The following HAL variants were observed in gnomAD, a reference collection of about 807,000 sequenced individuals.
The protein encoded by HAL is histidase.
In HAL, 85 loss-of-function variants were observed where a neutral mutation model predicts 81.1. The observed-to-expected ratio is 1.05, with a 90% confidence interval of 0.88 to 1.25. The LOEUF is 1.25. Among genes scored for constraint, HAL ranks in the 50% most tolerant of loss-of-function variants. The pLI is 0.00. For missense variants in HAL, 798 were observed against 836.6 expected (o/e 0.95, Z 0.57); for synonymous variants, 301 against 309.2 (o/e 0.97, Z 0.28).
At chr12:95,990,613 C>G in intron 9 of HAL, 81 bp from the exon 10 acceptor site, 1 of 1,092,780 alleles carries the variant, frequency 9.2e-7, no homozygotes, top group Non-Finnish European at 1.4e-6. Flanking sequence ...GCCCCCACTG[C>G]CCCCGCAAAC....
intron 10 of HAL, 127 bp from the exon 11 acceptor site, chr12:95,988,367 G>T (rs1949922457): frequency 8.5e-6 from 6 of 704,028 alleles, no homozygotes; most frequent in Non-Finnish European, 1.5e-5. Context: ...GAGACCTACA[G>T]GAACTGGCTG....
chr12:95,985,997 G>T, intron 13 of HAL, 31 bp from the exon 14 acceptor site: 2 of 1,596,426 alleles, frequency 1.3e-6, no homozygotes, highest in Non-Finnish European at 1.7e-6. Context: ...ATGAGACAGG[G>T]ATCATGTTAC....
chr12:95,991,009 C>G (rs1445630559), intron 9 of HAL, among the ~76,000 whole-genome samples: 1 of 152,164 alleles, frequency 6.6e-6, no homozygotes, highest in Non-Finnish European at 1.5e-5. Flanking sequence ...ACTGGGAAGG[C>G]TGAGATGGGA....
In HAL at chr12:95,995,743, G is replaced by C. The variant is rs764656901; in HGVS notation, c.168C>G (p.Arg56=). The C allele has an allele frequency of 6.2e-7, 1 of 1,613,558 alleles. No individual in the cohort carries two copies. The highest frequency in any genetic ancestry group is 1.3e-5 in the African/African-American group (1 of 74,934). The part of the protein sequence containing the change: ...TSVDDAHFLV[R]RCKGLGLLDN... ...CCAGCAGGCCCAGGCCCTTGCACCG[G>C]CGCACAAGGAAGTGCGCGTCATCCA... The change falls in exon 2 of 21, where the codon CGC becomes CGG. Residue 56 remains arginine (R), a synonymous_variant. Transcript: ENST00000261208.
At position 95,986,867 on chromosome 12, in the gene HAL, T is replaced by C. The variant is rs369285229; in HGVS notation, c.1051+200A>G. On this transcript the variant is annotated intron_variant, in intron 12 of 20. Coordinates refer to ENST00000261208, the MANE Select transcript of HAL (RefSeq NM_002108.4). ...TCACTCAACTTCCGGGCTGTGTGTATCTGTAAATTGCAGTTCTTTCAAAGA... is the reference window on the plus strand; with the variant it reads ...TCACTCAACTTCCGGGCTGTGTGTACCTGTAAATTGCAGTTCTTTCAAAGA... Among the ~76,000 whole-genome samples the C allele has an allele frequency of 9.2e-5, 14 of 152,156 alleles. 1 individual carries two copies. The highest frequency in any genetic ancestry group is 4.6e-4 in the Admixed American group (7 of 15,298).
chr12:95,974,415 T>C, intron 20 of HAL, 43 bp from the exon 21 acceptor site: 1 of 1,580,082 alleles, frequency 6.3e-7, no homozygotes, highest in African/African-American at 1.3e-5. Context: ...TTGACGACAT[T>C]GTTTCCACAT....
At chr12:95,990,753 GAAGAA>G (rs1268607230) in intron 9 of HAL, among the ~76,000 whole-genome samples, 1 of 152,150 alleles carries the variant, frequency 6.6e-6, no homozygotes, top group Non-Finnish European at 1.5e-5. Context: ...GGGTGGAGAG[GAAGAA>G]GAGAGAAAGG....
chr12:95,990,582 C>T, intron 9 of HAL, 50 bp from the exon 10 acceptor site: 2 of 1,550,340 alleles, frequency 1.3e-6, no homozygotes, highest in Non-Finnish European at 1.8e-6. Context: ...CATTCTGACT[C>T]TCCTTGCTTT....
At chr12:95,996,015 C>G in intron 1 of HAL, 24 bp from the exon 2 acceptor site, 1 of 1,068,500 alleles carries the variant, frequency 9.4e-7, no homozygotes, top group Non-Finnish European at 1.4e-6. Context: ...AATAGACTTT[C>G]AAACCACTCC....
At chr12:95,986,646 A>AT (rs1949892433) in intron 12 of HAL, among the ~76,000 whole-genome samples, 2 of 152,056 alleles carry the variant, frequency 1.3e-5, no homozygotes, top group African/African-American at 4.8e-5. Context: ...GCCCTTTTTC[A>AT]TATTATAGTT....
intron 14 of HAL, among the ~76,000 whole-genome samples, chr12:95,984,964 A>G (rs1323068661): frequency 6.6e-6 from 1 of 152,230 alleles, no homozygotes; most frequent in Non-Finnish European, 1.5e-5. Context: ...AGACCAAAAT[A>G]TGGTTTATTG....
At position 95,994,819 on chromosome 12, in the gene HAL, G is replaced by T; in HGVS notation, c.315C>A (p.Ser105Arg). Residue 105 changes from serine to arginine, a missense_variant, in exon 4 of 21, where the codon AGC (serine) becomes AGA (arginine). Coordinates refer to ENST00000261208, the MANE Select transcript of HAL (RefSeq NM_002108.4). ...TTACCTTTTCAGGCTCCCGGTACTT[G>T]CTGTATCTGTATCCAGGTAAAGGAA... Reference protein sequence around the residue: ...PSQPEGVYLYSKYREPEKYIE... With the variant: ...PSQPEGVYLYRKYREPEKYIE... The T allele has an allele frequency of 6.2e-7, 1 of 1,614,032 alleles. No homozygotes were observed. Among genetic ancestry groups the T allele is most frequent in the Non-Finnish European group, 8.5e-7 (1 of 1,179,912 alleles).
intron 18 of HAL, among the ~76,000 whole-genome samples, chr12:95,977,182 G>A (rs1159243108): frequency 6.6e-6 from 1 of 152,118 alleles, no homozygotes; most frequent in Non-Finnish European, 1.5e-5. Context: ...GAATTGCGGG[G>A]TGGGGATACT....
chr12:95,995,838 CCA>C lies in HAL; in HGVS notation c.71_72del (p.Val24GlyfsTer15). The C allele has an allele frequency of 6.2e-7, 1 of 1,611,394 alleles. No homozygotes were observed. Among genetic ancestry groups the C allele is most frequent in the East Asian group, 2.2e-5 (1 of 44,874 alleles). On this transcript the variant is annotated frameshift_variant, in exon 2 of 21. Transcript: ENST00000261208. LOFTEE classifies it high-confidence loss of function. ...AVPCQDAQLT[V>X]GWLGREAVRR... ...CTCACGGCCTCCCGGCCCAGCCAGCCCACAGTGAGCTGCGCGTCCTGGCAGGG... is the reference window on the plus strand; with the variant it reads ...CTCACGGCCTCCCGGCCCAGCCAGCCCAGTGAGCTGCGCGTCCTGGCAGGG...
chr12:95,974,694 T>C (rs951159220), intron 20 of HAL, among the ~76,000 whole-genome samples: 4 of 152,172 alleles, frequency 2.6e-5, no homozygotes, highest in African/African-American at 2.4e-5. Context: ...GGATAGTTGC[T>C]CCAGGGTCTT....
intron 14 of HAL, 131 bp from the exon 15 acceptor site, chr12:95,984,122 C>A: frequency 6.4e-6 from 4 of 623,088 alleles, no homozygotes; most frequent in Admixed American, 2.7e-5. Context: ...AAAGTTATAA[C>A]CATGGAAATT....
At position 95,983,938 on chromosome 12, in the gene HAL, T is replaced by G; in HGVS notation, c.1260A>C (p.Thr420=). Residue 420 remains threonine, a synonymous_variant, in exon 15 of 21, where the codon ACA becomes ACC. Transcript: ENST00000261208. ...TIAFVKNIIT[T]ELNSATDNPM... is the part of the protein sequence containing the mutation. ...GATTATCTGTTGCGCTGTTCAGTTCTGTGGTAATGATGTTCTTCACAAATG... is the reference window on the plus strand; with the variant it reads ...GATTATCTGTTGCGCTGTTCAGTTCGGTGGTAATGATGTTCTTCACAAATG... 3.2e-6 allele frequency: 5 copies of G among 1,577,968 alleles called. No homozygotes were observed. The highest frequency in any genetic ancestry group is 3.5e-6 in the Non-Finnish European group (4 of 1,147,884).
At chr12:95,974,499 CT>C in intron 20 of HAL, 127 bp from the exon 21 acceptor site, 2 of 850,770 alleles carry the variant, frequency 2.4e-6, no homozygotes, top group African/African-American at 1.7e-5. Context: ...TGTTTGCTTG[CT>C]TTTATTTTAA....
chr12:95,980,375 C>G (rs1168329362), intron 17 of HAL, among the ~76,000 whole-genome samples, 181 bp downstream of exon 17: 1 of 152,140 alleles, frequency 6.6e-6, no homozygotes, highest in Non-Finnish European at 1.5e-5. Context: ...AGTTTTTAAA[C>G]TATTTTTTTC....
Sources: allele counts gnomAD v4.1 joint callset (sites outside exome capture counted in the v4.1 genomes callset), GRCh38; gene constraint gnomAD v4.1.1; transcripts MANE v1.5; gene names NCBI Gene and HGNC (gene_info 2026-07-23, HGNC 2026-07-21).